The following ADGRL3 variants were observed in gnomAD, a reference collection of about 807,000 sequenced individuals.
ADGRL3 encodes adhesion G protein-coupled receptor L3.
ADGRL3 carries 62 observed loss-of-function variants against 153.5 expected under a neutral mutation model. That is an observed-to-expected ratio of 0.40 (90% CI 0.33 to 0.50). The LOEUF is 0.50. ADGRL3 is among the 20% of genes least tolerant of loss of function. ADGRL3 has a pLI of 0.47. For missense variants in ADGRL3, 1,641 were observed against 1,859.4 expected, an observed-to-expected ratio of 0.88 and a Z score of 2.16; for synonymous variants, 710 against 672.5, an observed-to-expected ratio of 1.06 and a Z score of -0.86.
intron 11 of ADGRL3, among the ~76,000 whole-genome samples, chr4:61,897,623 T>C (rs2149672361): frequency 6.6e-6 from 1 of 152,326 alleles, no homozygotes; most frequent in South Asian, 2.1e-4. Flanking sequence ...TGAGCAGGTT[T>C]CTTTACCACA....
chr4:62,050,732 A>G (rs1180817359), intron 25 of ADGRL3, among the ~76,000 whole-genome samples: 1 of 152,032 alleles, frequency 6.6e-6, no homozygotes, highest in Non-Finnish European at 1.5e-5. Flanking sequence ...TTTGACTCAT[A>G]TGCATAAAAT....
chr4:62,020,046 A>G (rs2099230754), intron 21 of ADGRL3, among the ~76,000 whole-genome samples: 3 of 152,096 alleles, frequency 2.0e-5, no homozygotes, highest in African/African-American at 7.2e-5. Context: ...TTTAGTTAGT[A>G]CAGATGTATT....
chr4:61,955,989 G>C (rs577997376), intron 17 of ADGRL3, among the ~76,000 whole-genome samples: 30 of 152,206 alleles, frequency 2.0e-4, no homozygotes, highest in African/African-American at 7.2e-4. Context: ...TAGTGCTTCA[G>C]TAAACATGCA....
chr4:61,430,039 T>TA (rs2097336404), intron 2 of ADGRL3, among the ~76,000 whole-genome samples: 1 of 152,114 alleles, frequency 6.6e-6, no homozygotes, highest in African/African-American at 2.4e-5. Flanking sequence ...GAATGCTTTA[T>TA]CTTCTAAAAC....
intron 13 of ADGRL3, among the ~76,000 whole-genome samples, chr4:61,930,438 G>T (rs1008037845): frequency 6.6e-6 from 1 of 152,028 alleles, no homozygotes; most frequent in Non-Finnish European, 1.5e-5. Context: ...CATCCTCTTG[G>T]AATAATGACA....
intron 11 of ADGRL3, among the ~76,000 whole-genome samples, chr4:61,905,655 G>A (rs1286807291): frequency 6.6e-6 from 1 of 152,142 alleles, no homozygotes; most frequent in Non-Finnish European, 1.5e-5. Flanking sequence ...AGCACTTTGG[G>A]AGGTCGAGGC....
At chr4:61,864,558 CACTT>C (rs1561380600) in intron 9 of ADGRL3, among the ~76,000 whole-genome samples, 1 of 152,158 alleles carries the variant, frequency 6.6e-6, no homozygotes, top group Non-Finnish European at 1.5e-5. Flanking sequence ...TTGTGATAGT[CACTT>C]ACTGCCAAAA....
At chr4:61,555,690 TGAGAGAATGGCTACTC>T (rs1271327979) in intron 4 of ADGRL3, among the ~76,000 whole-genome samples, 1 of 152,158 alleles carries the variant, frequency 6.6e-6, no homozygotes, top group East Asian at 1.9e-4. Flanking sequence ...AGTAAAGGAA[TGAGAGAATGGCTACTC>T]CATAGACAAA....
chr4:61,626,635 A>G (rs2092847210), intron 5 of ADGRL3, among the ~76,000 whole-genome samples: 1 of 152,096 alleles, frequency 6.6e-6, no homozygotes, highest in African/African-American at 2.4e-5. Flanking sequence ...TTTCTATTAT[A>G]ACTTTATGAA....
At chr4:61,466,993 T>TAA (rs1265455661) in intron 2 of ADGRL3, among the ~76,000 whole-genome samples, 1 of 152,090 alleles carries the variant, frequency 6.6e-6, no homozygotes, top group African/African-American at 2.4e-5. Flanking sequence ...ATTTTTAAAG[T>TAA]AGCTATTAAA....
chr4:61,828,585 T>C (rs1405694957), intron 9 of ADGRL3, among the ~76,000 whole-genome samples: 3 of 152,166 alleles, frequency 2.0e-5, no homozygotes, highest in Non-Finnish European at 4.4e-5. Flanking sequence ...AAATCTGCAA[T>C]ATTATTTTTC....
chr4:61,417,675 G>A (rs1289660020), intron 2 of ADGRL3, among the ~76,000 whole-genome samples: 1 of 145,078 alleles, frequency 6.9e-6, no homozygotes, highest in Admixed American at 7.2e-5. Flanking sequence ...AATAATAATC[G>A]ATGTTTTAAA....
At chr4:61,669,104 C>T (rs372408012) in intron 5 of ADGRL3, among the ~76,000 whole-genome samples, 20 of 152,230 alleles carry the variant, frequency 1.3e-4, no homozygotes, top group African/African-American at 3.6e-4. Flanking sequence ...AAGTGGACAA[C>T]GTCATTAAAC....
intron 9 of ADGRL3, among the ~76,000 whole-genome samples, chr4:61,845,025 T>G (rs969769635): frequency 6.6e-6 from 1 of 152,168 alleles, no homozygotes; most frequent in Non-Finnish European, 1.5e-5. Flanking sequence ...TGGAAGGACT[T>G]TTTCTTAAAG....
intron 1 of ADGRL3, among the ~76,000 whole-genome samples, chr4:61,370,480 G>T (rs912716416): frequency 2.6e-5 from 4 of 151,844 alleles, no homozygotes; most frequent in African/African-American, 9.7e-5. Context: ...CCTTCATTTC[G>T]TTATGTACCC....
intron 1 of ADGRL3, among the ~76,000 whole-genome samples, chr4:61,317,475 C>T (rs1404467612): frequency 1.3e-5 from 2 of 152,108 alleles, no homozygotes; most frequent in Non-Finnish European, 2.9e-5. Context: ...TGCCAAGATC[C>T]TTAAGGGTTT....
chr4:61,597,110 A>C (rs904627435), intron 5 of ADGRL3, among the ~76,000 whole-genome samples: 2 of 151,984 alleles, frequency 1.3e-5, no homozygotes, highest in African/African-American at 4.8e-5. Flanking sequence ...AAGACTTGAG[A>C]TCTTTCCAAA....
At chr4:61,935,081 A>C (rs2098832553) in intron 14 of ADGRL3, 58 bp downstream of exon 14, 1 of 1,450,120 alleles carries the variant, frequency 6.9e-7, no homozygotes, top group Non-Finnish European at 9.6e-7. Context: ...GAAGAGGGAA[A>C]AGAAAAAAGT....
At chr4:61,448,498 A>T (rs1211918979) in intron 2 of ADGRL3, among the ~76,000 whole-genome samples, 1 of 152,110 alleles carries the variant, frequency 6.6e-6, no homozygotes, top group African/African-American at 2.4e-5. Flanking sequence ...TTATGGAATA[A>T]GAATAATAAA....
Sources: gnomAD v4.1 joint callset for allele counts (sites outside exome capture counted in the v4.1 genomes callset) on GRCh38, gnomAD v4.1.1 for gene constraint, MANE v1.5 for transcripts, NCBI Gene and HGNC (gene_info 2026-07-23, HGNC 2026-07-21) for gene names.